The following ENTREP2 variants were observed in gnomAD, a reference collection of about 807,000 sequenced individuals.
ENTREP2 encodes endosomal transmembrane epsin interactor 2, also known as protein ENTREP2.
At chr15:29,557,029 A>T in the ENTREP2 span, among the ~76,000 whole-genome samples, 1 of 152,332 alleles carries the variant, frequency 6.6e-6, no homozygotes, top group East Asian at 1.9e-4. Context: ...CAAATAATCC[A>T]CTAGTTCCTC....
the ENTREP2 span, among the ~76,000 whole-genome samples, chr15:29,240,364 GAA>G: frequency 5.3e-4 from 63 of 118,224 alleles, no homozygotes; most frequent in African/African-American, 1.7e-3. Flanking sequence ...CTCCGTCTCA[GAA>G]AAAAAAAAAA....
At chr15:29,610,743 C>A in the ENTREP2 span, 3 of 150,426 alleles carry the variant, frequency 2.0e-5, 1 homozygote, top group East Asian at 6.1e-4. Flanking sequence ...GTGCTCTGGA[C>A]AACCTCTACA....
chr15:29,525,652 G>A, the ENTREP2 span, among the ~76,000 whole-genome samples: 1 of 152,204 alleles, frequency 6.6e-6, no homozygotes, highest in Non-Finnish European at 1.5e-5. Context: ...GTTATATGCG[G>A]TATAATTCCA....
At chr15:29,666,811 T>A in the ENTREP2 span, among the ~76,000 whole-genome samples, 1 of 152,136 alleles carries the variant, frequency 6.6e-6, no homozygotes, top group Non-Finnish European at 1.5e-5. Context: ...ACAATAGAAA[T>A]GTAGTCTCTC....
chr15:29,292,510 A>G, the ENTREP2 span, among the ~76,000 whole-genome samples: 2 of 151,994 alleles, frequency 1.3e-5, no homozygotes, highest in Non-Finnish European at 2.9e-5. Context: ...CCTCCCGAGT[A>G]GCTAGGATTA....
At chr15:29,228,172 A>C in the ENTREP2 span, among the ~76,000 whole-genome samples, 10 of 152,166 alleles carry the variant, frequency 6.6e-5, no homozygotes, top group South Asian at 1.2e-3. Context: ...TACAAAAATT[A>C]GCTGGGCATG....
At chr15:29,477,623 G>C in the ENTREP2 span, among the ~76,000 whole-genome samples, 1 of 152,142 alleles carries the variant, frequency 6.6e-6, no homozygotes, top group Admixed American at 6.5e-5. Context: ...CTCCAGACCT[G>C]TGCCTGCAAG....
At chr15:29,213,589 C>A in the ENTREP2 span, among the ~76,000 whole-genome samples, 2 of 151,980 alleles carry the variant, frequency 1.3e-5, no homozygotes, top group Non-Finnish European at 2.9e-5. Flanking sequence ...TGGCTCTCTG[C>A]TTGTCTGTTA....
the ENTREP2 span, among the ~76,000 whole-genome samples, chr15:29,509,134 G>A: frequency 6.6e-6 from 1 of 152,068 alleles, no homozygotes; most frequent in South Asian, 2.1e-4. Flanking sequence ...CAAATCATGA[G>A]CAAACTCCCA....
the ENTREP2 span, among the ~76,000 whole-genome samples, chr15:29,207,618 G>T: frequency 2.6e-5 from 4 of 152,048 alleles, no homozygotes; most frequent in African/African-American, 7.3e-5. Flanking sequence ...TTTACAGAGC[G>T]CTGATTGGTG....
the ENTREP2 span, among the ~76,000 whole-genome samples, chr15:29,343,586 T>C: frequency 9.1e-6 from 1 of 109,904 alleles, no homozygotes; most frequent in East Asian, 2.7e-4. Flanking sequence ...CTCTCTCTCT[T>C]TCTCTCTCTT....
chr15:29,610,774 C>T, the ENTREP2 span: 2 of 150,484 alleles, frequency 1.3e-5, no homozygotes, highest in African/African-American at 4.9e-5. Context: ...GGCATCCAAG[C>T]TGAGTCTCAT....
the ENTREP2 span, among the ~76,000 whole-genome samples, chr15:29,148,139 G>A: frequency 4.9e-4 from 75 of 152,328 alleles, no homozygotes; most frequent in Admixed American, 4.1e-3. Flanking sequence ...AGGGCTGAGA[G>A]GTGGGAAGGA....
the ENTREP2 span, among the ~76,000 whole-genome samples, chr15:29,462,065 A>G: frequency 2.0e-5 from 3 of 152,328 alleles, no homozygotes; most frequent in South Asian, 6.2e-4. Context: ...TCCATGGTGC[A>G]GCATGTGTCA....
the ENTREP2 span, chr15:29,609,770 C>T: frequency 6.6e-6 from 1 of 150,436 alleles, no homozygotes; most frequent in African/African-American, 2.4e-5. Context: ...TACACAAGTG[C>T]ATATGAGCAG....
At chr15:29,519,352 C>T in the ENTREP2 span, among the ~76,000 whole-genome samples, 1 of 151,772 alleles carries the variant, frequency 6.6e-6, no homozygotes, top group Non-Finnish European at 1.5e-5. Context: ...GTGCCTGCCT[C>T]TCCTGCTGCC....
the ENTREP2 span, among the ~76,000 whole-genome samples, chr15:29,397,806 G>GA: frequency 6.6e-6 from 1 of 151,898 alleles, no homozygotes; most frequent in Admixed American, 6.6e-5. Context: ...AGCACAGAGG[G>GA]AAAAAAGGGG....
chr15:29,505,396 C>T, the ENTREP2 span, among the ~76,000 whole-genome samples: 1 of 152,218 alleles, frequency 6.6e-6, no homozygotes, highest in Non-Finnish European at 1.5e-5. The surrounding 1 kb of genome is among the most constrained non-coding windows in gnomAD (Gnocchi z 4.3). Flanking sequence ...GCACAGTGCT[C>T]GAGCTCTGCT....
the ENTREP2 span, among the ~76,000 whole-genome samples, chr15:29,454,852 C>T: frequency 1.3e-5 from 2 of 152,216 alleles, no homozygotes; most frequent in African/African-American, 2.4e-5. Flanking sequence ...AATACACATT[C>T]GTTGCTGTAA....
Sources: allele counts gnomAD v4.1 joint callset (sites outside exome capture counted in the v4.1 genomes callset), GRCh38; gene constraint gnomAD v4.1.1; non-coding constraint Gnocchi (gnomAD v3.1); transcripts MANE v1.5; gene names NCBI Gene and HGNC (gene_info 2026-07-23, HGNC 2026-07-21).